PLXNB2: variants seen among roughly 807,000 people sequenced by gnomAD.
The protein encoded by PLXNB2 is plexin B2, also known as plexin-B2.
Under a neutral mutation model 202.6 loss-of-function variants are expected in PLXNB2, and 85 were observed. The observed-to-expected ratio is 0.42, with a 90% CI of 0.35 to 0.50. The LOEUF is 0.50. PLXNB2 is among the 20% of genes least tolerant of loss of function. PLXNB2 has a pLI of 0.02. For missense variants in PLXNB2, 2,063 were observed against 2,586.2 expected, an observed-to-expected ratio of 0.80 and a Z score of 4.39; for synonymous variants, 1,239 against 1,137.6, an observed-to-expected ratio of 1.09 and a Z score of -1.79.
Position 50,290,539 on chromosome 22 carries a change from C to A in PLXNB2, c.46G>T (p.Ala16Ser). ...WALTLLGLLG[A>S]GASLRPRKLD... is the part of the protein sequence containing the mutation. ...TTGCGGGGCCTCAGGCTGGCACCTG[C>A]GCCCAGCAGGCCCAGCAGGGTCAGG... The change falls in exon 3 of 37, where the codon GCA becomes TCA. Residue 16 changes from alanine (A) to serine (S), a missense_variant. By Grantham distance (99) the Ala-to-Ser change is moderately conservative (BLOSUM62 1). Coordinates refer to ENST00000359337, the MANE Select transcript of PLXNB2 (RefSeq NM_012401.4). The A allele has an allele frequency of 1.9e-6, 3 of 1,611,906 alleles. No homozygotes were observed. The highest frequency in any genetic ancestry group is 2.5e-6 in the Non-Finnish European group (3 of 1,179,836).
intron 2 of PLXNB2, among the ~76,000 whole-genome samples, chr22:50,292,337 C>CAAAA (rs533891085): frequency 8.5e-5 from 6 of 70,992 alleles, no homozygotes; most frequent in African/African-American, 1.7e-4. Flanking sequence ...GACTCTGTCT[C>CAAAA]AAAAAAAAAA....
Position 50,287,259 on chromosome 22 carries a change from C to T in PLXNB2, c.1614G>A (p.Gln538=). 1 of 1,514,214 alleles carries T rather than the reference C, an allele frequency of 6.6e-7. No homozygotes were observed. Among genetic ancestry groups the T allele is most frequent in the Non-Finnish European group, 8.9e-7 (1 of 1,127,298 alleles). 93.8% of individuals were successfully genotyped at this position (1,514,214 alleles called of 1,614,324 possible). A position where few individuals can be genotyped will look rare whatever the true frequency, so the allele number is the denominator to read the frequency against. ...GGGCAGGGAGGGGGCTGACGGTCAG[C>T]TGCACCTGAGGGAGGGGCCGTGCCG... ...NMSRRAQGEV[Q]LTVSPLPALS... Residue 538 remains glutamine, a synonymous_variant, in exon 8 of 37, where the codon CAG becomes CAA. Coordinates refer to ENST00000359337, the MANE Select transcript of PLXNB2 (RefSeq NM_012401.4).
intron 1 of PLXNB2, among the ~76,000 whole-genome samples, chr22:50,300,988 G>A (rs1388339811): frequency 1.3e-5 from 2 of 152,194 alleles, no homozygotes; most frequent in Admixed American, 6.5e-5. Flanking sequence ...GCCTGCCCCA[G>A]CCCCCTCTCC....
Position 50,289,032 on chromosome 22 carries a change from C to T in PLXNB2, c.1179G>A (p.Thr393=), listed in dbSNP as rs555577276. ...AVLQRGGLNL[T]AVTVAAENNH... is the part of the protein sequence containing the mutation. ...TGTTCTCGGCGGCGACCGTCACGGC[C>T]GTGAGGTTCAGGCCTCCACGCTGCA... The change falls in exon 4 of 37, where the codon ACG becomes ACA. Residue 393 remains threonine (T), a synonymous_variant. Coordinates refer to ENST00000359337, the MANE Select transcript of PLXNB2 (RefSeq NM_012401.4). This position sits in a 1 kb window ranked among gnomAD's most constrained non-coding sequence, Gnocchi z 8.0. The T allele has an allele frequency of 1.4e-5, 23 of 1,610,012 alleles. No homozygotes were observed. In the South Asian group the frequency reaches 1.5e-4, roughly 11 times the overall value.
At position 50,289,024 on chromosome 22, in the gene PLXNB2, G is replaced by A. The variant is rs376982545; in HGVS notation, c.1187C>T (p.Thr396Met). The change falls in exon 4 of 37, where the codon ACG (threonine) becomes ATG (methionine). Residue 396 changes from threonine (T) to methionine (M), a missense_variant. Physicochemically the swap from Thr to Met is moderately conservative, Grantham distance 81. Transcript: ENST00000359337. The surrounding 1 kb of genome is among the most constrained non-coding windows in gnomAD (Gnocchi z 8.0). ...QRGGLNLTAVTVAAENNHTVA... is the reference protein window; with the variant it reads ...QRGGLNLTAVMVAAENNHTVA... ...AGTGTGGTTGTTCTCGGCGGCGACCGTCACGGCCGTGAGGTTCAGGCCTCC... is the reference window on the plus strand; with the variant it reads ...AGTGTGGTTGTTCTCGGCGGCGACCATCACGGCCGTGAGGTTCAGGCCTCC... 7.9e-5 allele frequency: 127 copies of A among 1,610,158 alleles called. No individual in the cohort carries two copies. The highest frequency in any genetic ancestry group is 5.3e-4 in the African/African-American group (40 of 75,010).
In PLXNB2 at chr22:50,289,179, C is replaced by A; in HGVS notation, c.1069-37G>T. The A allele has an allele frequency of 6.6e-7, 1 of 1,509,506 alleles. No individual in the cohort carries two copies. The highest frequency in any genetic ancestry group is 1.2e-5 in the South Asian group (1 of 80,132). 93.5% of individuals were successfully genotyped at this position (1,509,506 alleles called of 1,614,324 possible). A position where few individuals can be genotyped will look rare whatever the true frequency, so the allele number is the denominator to read the frequency against. On this transcript the variant is annotated intron_variant, in intron 3 of 36. Coordinates refer to ENST00000359337, the MANE Select transcript of PLXNB2 (RefSeq NM_012401.4). The surrounding 1 kb of genome is among the most constrained non-coding windows in gnomAD (Gnocchi z 8.0). ...AGCGTGTCAATGGCAGGCAGACCCC[C>A]TGTCCTGAAGGGCCCTCTCCACTCG...
intron 2 of PLXNB2, among the ~76,000 whole-genome samples, chr22:50,294,455 C>A (rs925271449): frequency 1.3e-5 from 2 of 152,078 alleles, no homozygotes; most frequent in African/African-American, 2.4e-5. Context: ...AGTCTCACTG[C>A]AGACCACTCC....
In PLXNB2 at chr22:50,289,209, C is replaced by T; in HGVS notation, c.1069-67G>A. 1 of 1,378,328 alleles carries T rather than the reference C, an allele frequency of 7.3e-7. No homozygotes were observed. Among genetic ancestry groups the T allele is most frequent in the Non-Finnish European group, 9.7e-7 (1 of 1,031,676 alleles). 85.4% of individuals were successfully genotyped at this position (1,378,328 alleles called of 1,614,324 possible). A position where few individuals can be genotyped will look rare whatever the true frequency, so the allele number is the denominator to read the frequency against. On this transcript the variant is annotated intron_variant, in intron 3 of 36. Transcript: ENST00000359337. The surrounding 1 kb of genome is among the most constrained non-coding windows in gnomAD (Gnocchi z 8.0). Reference sequence around the variant, plus strand: ...CTGAAGGGCCCTCTCCACTCGCGCTCCAAGACTCGGGACAGGCCCTTCCCT... The same window carrying T: ...CTGAAGGGCCCTCTCCACTCGCGCTTCAAGACTCGGGACAGGCCCTTCCCT...
chr22:50,291,930 G>A lies in PLXNB2; in HGVS notation c.-13-1333C>T, dbSNP rs1470900892. On this transcript the variant is annotated intron_variant, in intron 2 of 36. Transcript: ENST00000359337. The surrounding 1 kb of genome is among the most constrained non-coding windows in gnomAD (Gnocchi z 4.3). ...GCCCTGGCCTCCCCCACCTCCCTGT[G>A]CAGGCCCACCCCGTGCCTCCAGAGG... 1.3e-5 allele frequency among the ~76,000 whole-genome samples: 2 copies of A among 152,216 alleles called. No homozygotes were observed. The highest frequency in any genetic ancestry group is 4.8e-5 in the African/African-American group (2 of 41,448).
rs753916806 is a variant in PLXNB2 at position 50,281,588 on chromosome 22, G to C, written c.3500C>G (p.Thr1167Arg). ...CACAATGAACTCGGGCAGGTTGTGT[G>C]TGGTGTCTCGTTTCTGCCGCCGCTT... ...PPKRRQKRDTTHNLPEFIVKF... is the reference protein window; with the variant it reads ...PPKRRQKRDTRHNLPEFIVKF... The change falls in exon 21 of 37, where the codon ACA (threonine) becomes AGA (arginine). Residue 1167 changes from threonine to arginine, a missense_variant. Transcript: ENST00000359337. 2 of 1,611,056 alleles carry C rather than the reference G, an allele frequency of 1.2e-6. No homozygotes were observed. Among genetic ancestry groups the C allele is most frequent in the South Asian group, 1.1e-5 (1 of 90,926 alleles).
rs554572542 is a variant in PLXNB2, at chr22:50,281,506, G to C, written c.3523-7C>G. The C allele has an allele frequency of 1.9e-6, 3 of 1,610,738 alleles. No homozygotes were observed. Among genetic ancestry groups the C allele is most frequent in the East Asian group, 4.5e-5 (2 of 44,820 alleles). On this transcript the variant is annotated splice_region_variant and splice_polypyrimidine_tract_variant and intron_variant, in intron 21 of 36. Transcript: ENST00000359337. The stretch of plus-strand genomic sequence containing the variant: ...CGCGAGAGCCGAACTTCACCTGTGT[G>C]GGGGGCCGGGTTCAGCGCGGTCCCG...
At position 50,284,082 on chromosome 22, in the gene PLXNB2, T is replaced by A; in HGVS notation, c.2263+50A>T. On this transcript the variant is annotated intron_variant, in intron 13 of 36. Coordinates refer to ENST00000359337, the MANE Select transcript of PLXNB2 (RefSeq NM_012401.4). This position sits in a 1 kb window ranked among gnomAD's most constrained non-coding sequence, Gnocchi z 8.0. ...CCCACCTGTCCCCCCACCCACCGCC[T>A]TGTGCCCACCCGTCCCCTGCCCGCC... 3.3e-6 allele frequency: 3 copies of A among 912,026 alleles called. No individual in the cohort carries two copies. The highest frequency in any genetic ancestry group is 1.8e-5 in the South Asian group (1 of 55,384). The allele number at this position is 912,026 out of a possible 1,614,324, so 56.5% of individuals were successfully genotyped here.
At chr22:50,292,704 T>G (rs1170384730) in intron 2 of PLXNB2, among the ~76,000 whole-genome samples, 2 of 151,930 alleles carry the variant, frequency 1.3e-5, no homozygotes, top group African/African-American at 4.8e-5. Context: ...GAAGCTGCAT[T>G]TACTGGCACA....
rs529991164 is a variant in PLXNB2, at chr22:50,290,865, G to A, written c.-13-268C>T. On this transcript the variant is annotated intron_variant, in intron 2 of 36. Coordinates refer to ENST00000359337, the MANE Select transcript of PLXNB2 (RefSeq NM_012401.4). ...CATCGCCTGCTACAGGATCCCTCCC[G>A]GAGGTGCTGAAAACACCGGCAGGCC... Among the ~76,000 whole-genome samples the A allele has an allele frequency of 6.6e-5, 10 of 152,258 alleles. No individual in the cohort carries two copies. In the East Asian group the frequency reaches 1.9e-3, roughly 29 times the overall value.
chr22:50,281,845 C>G lies in PLXNB2; in HGVS notation c.3345+9G>C. The stretch of plus-strand genomic sequence containing the variant: ...AGGACCCAGACACCCGGGGCTGCAC[C>G]GTCCTCACCCGGGCGTGGATGAGCT... On this transcript the variant is annotated intron_variant, in intron 20 of 36. Coordinates refer to ENST00000359337, the MANE Select transcript of PLXNB2 (RefSeq NM_012401.4). 1 of 1,608,748 alleles carries G rather than the reference C, an allele frequency of 6.2e-7. No individual in the cohort carries two copies. Among genetic ancestry groups the G allele is most frequent in the Non-Finnish European group, 8.5e-7 (1 of 1,177,620 alleles).
intron 2 of PLXNB2, among the ~76,000 whole-genome samples, chr22:50,290,991 G>A (rs1463176376): frequency 6.6e-6 from 1 of 152,124 alleles, no homozygotes; most frequent in Non-Finnish European, 1.5e-5. Flanking sequence ...TGGTCGGGAC[G>A]CACCGGCCCC....
At position 50,279,996 on chromosome 22, in the gene PLXNB2, G is replaced by A. The variant is rs1200578226; in HGVS notation, c.4242+9C>T. The A allele has an allele frequency of 5.6e-6, 9 of 1,598,250 alleles. No homozygotes were observed. In the African/African-American group the frequency reaches 6.7e-5, roughly 12 times the overall value. ...CCTCAAGCCCCAGCCAGGCTGGGGT[G>A]GAACCCACCTTGAGGTACTGGTACA... On this transcript the variant is annotated intron_variant, in intron 26 of 36. Transcript: ENST00000359337.
chr22:50,287,783 T>G lies in PLXNB2; in HGVS notation c.1492A>C (p.Lys498Gln), dbSNP rs771412072. The change falls in exon 7 of 37, where the codon AAG (lysine) becomes CAG (glutamine). Residue 498 changes from lysine to glutamine, a missense_variant. Around this residue, in one of 2 missense-constraint regions of PLXNB2, gnomAD observed 1,303 missense variants for 1,476.8 expected, o/e 0.88. Coordinates refer to ENST00000359337, the MANE Select transcript of PLXNB2 (RefSeq NM_012401.4). ...WCVVEGRCTR[K>Q]AECPRAEEAS... ...TCCTCGGCCCGCGGACACTCGGCCT[T>G]CCGGGTGCATCTGCAGGCGCAGGGG... 2.5e-6 allele frequency: 4 copies of G among 1,590,950 alleles called. No homozygotes were observed. The Admixed American group carries it at 6.9e-5, about 27-fold the overall frequency.
At chr22:50,293,674 A>AC (rs896531502) in intron 2 of PLXNB2, among the ~76,000 whole-genome samples, 1 of 152,188 alleles carries the variant, frequency 6.6e-6, no homozygotes, top group Non-Finnish European at 1.5e-5. Context: ...TCTGGCCCGG[A>AC]CCGTGGTGGG....
Sources: allele counts gnomAD v4.1 joint callset (sites outside exome capture counted in the v4.1 genomes callset), GRCh38; gene constraint gnomAD v4.1.1; regional missense constraint gnomAD v4.1.1; non-coding constraint Gnocchi (gnomAD v3.1); transcripts MANE v1.5; gene names NCBI Gene and HGNC (gene_info 2026-07-23, HGNC 2026-07-21).